EMILIN3: variants seen among roughly 807,000 people sequenced by gnomAD.
The protein encoded by EMILIN3 is elastin microfibril interfacer 3, also known as EMILIN-3.
EMILIN3 carries 38 observed loss-of-function variants against 42.8 expected under a neutral mutation model. The ratio of observed to expected loss-of-function variants is 0.89; its 90% confidence interval spans 0.69 to 1.16. EMILIN3 has a LOEUF of 1.16. EMILIN3 is among the 50% of genes most tolerant of loss of function. The probability of loss-of-function intolerance (pLI) is 0.00; values close to 1 mark genes in which losing one functional copy is unlikely to be tolerated. For missense variants in EMILIN3, 924 were observed against 999.5 expected, an observed-to-expected ratio of 0.92 and a Z score of 1.02; for synonymous variants, 430 against 440.5, an observed-to-expected ratio of 0.98 and a Z score of 0.30.
At position 41,362,314 on chromosome 20, in the gene EMILIN3, C is replaced by T. The variant is rs147652381; in HGVS notation, c.1255G>A (p.Glu419Lys). 5.6e-6 allele frequency: 9 copies of T among 1,612,948 alleles called. No homozygotes were observed. In the Middle Eastern group the frequency reaches 6.6e-4, roughly 118 times the overall value. ...QRGPGAPAGD[E>K]LTRLSAAMLE... ...ATGGCAGCAGAGAGCCTCGTAAGCTCATCCCCGGCCGGGGCACCGGGGCCC... is the reference window on the plus strand; with the variant it reads ...ATGGCAGCAGAGAGCCTCGTAAGCTTATCCCCGGCCGGGGCACCGGGGCCC... Residue 419 changes from glutamate to lysine, a missense_variant, in exon 4 of 4, where the codon GAG (glutamate) becomes AAG (lysine). Coordinates refer to ENST00000332312, the MANE Select transcript of EMILIN3 (RefSeq NM_052846.2).
At chr20:41,363,565 A>G in intron 3 of EMILIN3, 73 bp downstream of exon 3, 2 of 1,431,912 alleles carry the variant, frequency 1.4e-6, no homozygotes, top group East Asian at 2.3e-5. Flanking sequence ...GCCTGGGATC[A>G]GTCCCCTCCC....
rs1033974612 is a variant in EMILIN3 at position 41,360,347 on chromosome 20, G to A, written c.*921C>T. The stretch of plus-strand genomic sequence containing the variant: ...CTGGCCTCATTCAGGCCACTTTGTA[G>A]AGAAATGCCCTGACCTCGCAGGAAG... On this transcript the variant is annotated 3_prime_UTR_variant, in exon 4 of 4. Coordinates refer to ENST00000332312, the MANE Select transcript of EMILIN3 (RefSeq NM_052846.2). 4 of 152,386 alleles carry A rather than the reference G, an allele frequency of 2.6e-5. No individual in the cohort carries two copies. Among genetic ancestry groups the A allele is most frequent in the Admixed American group, 2.6e-4 (4 of 15,296 alleles). The allele number at this position is 152,386 out of a possible 1,614,324, so 9.4% of individuals were successfully genotyped here.
Position 41,361,936 on chromosome 20 carries a change from C to T in EMILIN3, c.1633G>A (p.Glu545Lys), listed in dbSNP as rs144193156. 1.2e-5 allele frequency: 20 copies of T among 1,612,630 alleles called. No homozygotes were observed. Among genetic ancestry groups the T allele is most frequent in the African/African-American group, 4.0e-5 (3 of 74,940 alleles). The part of the protein sequence containing the change: ...AEVKAWQSRS[E>K]ALLRQVASHA... ...CTGGCCACCTGGCGTAGGAGGGCCT[C>T]GCTCCGGCTCTGCCAGGCCTTCACC... Residue 545 changes from glutamate (E) to lysine (K), a missense_variant, in exon 4 of 4, where the codon GAG (glutamate) becomes AAG (lysine). By Grantham distance (56) the Glu-to-Lys change is moderately conservative. Transcript: ENST00000332312.
In EMILIN3 at chr20:41,366,455, C is replaced by A. The variant is rs1333317838; in HGVS notation, c.167+13G>T. On this transcript the variant is annotated intron_variant, in intron 1 of 3. Transcript: ENST00000332312. The surrounding 1 kb of genome is among the most constrained non-coding windows in gnomAD (Gnocchi z 4.2). ...TCCCTCCCTCTTCCCGCCCGCCGCCCGCCCGCGCTTACTTGTGCGGCCCCG... is the reference window on the plus strand; with the variant it reads ...TCCCTCCCTCTTCCCGCCCGCCGCCAGCCCGCGCTTACTTGTGCGGCCCCG... 2.7e-6 allele frequency: 3 copies of A among 1,122,628 alleles called. No homozygotes were observed. The highest frequency in any genetic ancestry group is 9.2e-5 in the East Asian group (2 of 21,666). 69.5% of individuals were successfully genotyped at this position (1,122,628 alleles called of 1,614,324 possible). A position where few individuals can be genotyped will look rare whatever the true frequency, so the allele number is the denominator to read the frequency against.
At position 41,361,482 on chromosome 20, in the gene EMILIN3, A is replaced by C. The variant is rs1029920616; in HGVS notation, c.2087T>G (p.Val696Gly). The stretch of plus-strand genomic sequence containing the variant: ...GCCCAGCCTCCTGCACGCACCCTCC[A>C]CTTGTGCCACCCGCTGGTCAAAGTG... ...VGHFDQRVAQVEGACRRLGLL... is the reference protein window; with the variant it reads ...VGHFDQRVAQGEGACRRLGLL... The change falls in exon 4 of 4, where the codon GTG becomes GGG. Residue 696 changes from valine (V) to glycine (G), a missense_variant. Physicochemically the swap from Val to Gly is moderately radical, Grantham distance 109. Transcript: ENST00000332312. 2.5e-6 allele frequency: 4 copies of C among 1,608,722 alleles called. No individual in the cohort carries two copies. The highest frequency in any genetic ancestry group is 3.4e-6 in the Non-Finnish European group (4 of 1,176,648).
chr20:41,365,213 G>T (rs897439433), intron 1 of EMILIN3, 56 bp from the exon 2 acceptor site: 6 of 1,598,340 alleles, frequency 3.8e-6, no homozygotes, highest in African/African-American at 1.3e-5. Flanking sequence ...CCACAGAGGC[G>T]CCTACCCTCC....
Position 41,366,473 on chromosome 20 carries a change from C to G in EMILIN3, c.162G>C (p.Pro54=), listed in dbSNP as rs1267907343. 9 of 1,136,054 alleles carry G rather than the reference C, an allele frequency of 7.9e-6. No individual in the cohort carries two copies. The highest frequency in any genetic ancestry group is 9.7e-6 in the Non-Finnish European group (9 of 927,310). 70.4% of individuals were successfully genotyped at this position (1,136,054 alleles called of 1,614,324 possible). ...TGWRPRLRPG[P]HKALCAYVVH... ...CGCCGCCCGCCCGCGCTTACTTGTG[C>G]GGCCCCGGGCGCAGCCGCGGGCGCC... is the stretch of plus-strand genomic sequence containing the variant. Residue 54 remains proline (P), a synonymous_variant, in exon 1 of 4, where the codon CCG becomes CCC. Coordinates refer to ENST00000332312, the MANE Select transcript of EMILIN3 (RefSeq NM_052846.2). This position sits in a 1 kb window ranked among gnomAD's most constrained non-coding sequence, Gnocchi z 4.2.
chr20:41,360,742 CGAAGAGAAGCCGAGGGGACAAG>C lies in EMILIN3; in HGVS notation c.*504_*525del, dbSNP rs1321356663. The C allele has an allele frequency of 6.3e-6, 1 of 157,676 alleles. No individual in the cohort carries two copies. Among genetic ancestry groups the C allele is most frequent in the East Asian group, 1.9e-4 (1 of 5,366 alleles). 9.8% of individuals were successfully genotyped at this position (157,676 alleles called of 1,614,324 possible). A position where few individuals can be genotyped will look rare whatever the true frequency, so the allele number is the denominator to read the frequency against. ...TGCACAAACCTAGTCCTGATGGCTG[CGAAGAGAAGCCGAGGGGACAAG>C]GAACAGAAGCCACCAAGGGCTGTGG... On this transcript the variant is annotated 3_prime_UTR_variant, in exon 4 of 4. Coordinates refer to ENST00000332312, the MANE Select transcript of EMILIN3 (RefSeq NM_052846.2).
chr20:41,361,254 C>G lies in EMILIN3; in HGVS notation c.*14G>C. ...AGTTGGTGGGATCTAGGGGTTGGGT[C>G]CTGGCCAGCCTGTCTAGTTGGCTTG... On this transcript the variant is annotated 3_prime_UTR_variant, in exon 4 of 4. Coordinates refer to ENST00000332312, the MANE Select transcript of EMILIN3 (RefSeq NM_052846.2). 6 of 1,566,300 alleles carry G rather than the reference C, an allele frequency of 3.8e-6. No individual in the cohort carries two copies. The highest frequency in any genetic ancestry group is 5.2e-6 in the Non-Finnish European group (6 of 1,149,380).
In EMILIN3 at chr20:41,366,671, C is replaced by G. The variant is rs2046396276; in HGVS notation, c.-37G>C. 2 of 990,030 alleles carry G rather than the reference C, an allele frequency of 2.0e-6. No homozygotes were observed. The highest frequency in any genetic ancestry group is 2.4e-6 in the Non-Finnish European group (2 of 834,024). The allele number at this position is 990,030 out of a possible 1,614,324, so 61.3% of individuals were successfully genotyped here. On this transcript the variant is annotated 5_prime_UTR_variant, in exon 1 of 4. Coordinates refer to ENST00000332312, the MANE Select transcript of EMILIN3 (RefSeq NM_052846.2). This position sits in a 1 kb window ranked among gnomAD's most constrained non-coding sequence, Gnocchi z 4.2. Reference sequence around the variant, plus strand: ...CGCCTCTGCCCGGCCCCGCGCGGTGCCCCCCGCCGGGTGTCCGCCTGCAGC... The same window carrying G: ...CGCCTCTGCCCGGCCCCGCGCGGTGGCCCCCGCCGGGTGTCCGCCTGCAGC...
chr20:41,362,446 C>T lies in EMILIN3; in HGVS notation c.1123G>A (p.Gly375Ser), dbSNP rs761323139. 6.2e-7 allele frequency: 1 copy of T among 1,600,268 alleles called. No homozygotes were observed. The highest frequency in any genetic ancestry group is 8.5e-7 in the Non-Finnish European group (1 of 1,179,802). ...ELSQLGSQLQ[G>S]LSVSGRGSCC... ...CTGCCCCTGCCAGACACGCTCAGGC[C>T]CTGCAGCTGGCTGCCCAGCTGTGAC... is the stretch of plus-strand genomic sequence containing the variant. The change falls in exon 4 of 4, where the codon GGC becomes AGC. Residue 375 changes from glycine (G) to serine (S), a missense_variant. Gly to Ser is a moderately conservative substitution (Grantham distance 56, BLOSUM62 0). Transcript: ENST00000332312.
Position 41,365,158 on chromosome 20 carries a change from C to G in EMILIN3, c.168-1G>C. 1.2e-6 allele frequency: 2 copies of G among 1,613,512 alleles called. No individual in the cohort carries two copies. Among genetic ancestry groups the G allele is most frequent in the Non-Finnish European group, 1.7e-6 (2 of 1,179,706 alleles). On this transcript the variant is annotated splice_acceptor_variant, in intron 1 of 3. Coordinates refer to ENST00000332312, the MANE Select transcript of EMILIN3 (RefSeq NM_052846.2). LOFTEE classifies it high-confidence loss of function. Reference sequence around the variant, plus strand: ...GTGCACCACATAGGCACAGAGGGCCCTACAGGAGAAAATGGCACCCCTGGA... The same window carrying G: ...GTGCACCACATAGGCACAGAGGGCCGTACAGGAGAAAATGGCACCCCTGGA...
In EMILIN3 at chr20:41,366,520, A is replaced by T. The variant is rs1374061204; in HGVS notation, c.115T>A (p.Tyr39Asn). 2 of 1,159,628 alleles carry T rather than the reference A, an allele frequency of 1.7e-6. No individual in the cohort carries two copies. The highest frequency in any genetic ancestry group is 2.1e-6 in the Non-Finnish European group (2 of 943,432). 71.8% of individuals were successfully genotyped at this position (1,159,628 alleles called of 1,614,324 possible). A position where few individuals can be genotyped will look rare whatever the true frequency, so the allele number is the denominator to read the frequency against. Residue 39 changes from tyrosine to asparagine, a missense_variant, in exon 1 of 4, where the codon TAC (tyrosine) becomes AAC (asparagine). By Grantham distance (143) the Tyr-to-Asn change is moderately radical. Coordinates refer to ENST00000332312, the MANE Select transcript of EMILIN3 (RefSeq NM_052846.2). The surrounding 1 kb of genome is among the most constrained non-coding windows in gnomAD (Gnocchi z 4.2). ...CGCCATCCCGTCGTGTAGAGACTGT[A>T]GCGGGAGGCACCGGGCGGCGCAGGC... ...ARPAPPGASR[Y>N]SLYTTGWRPR...
rs555195340 is a variant in EMILIN3 at position 41,361,666 on chromosome 20, C to A, written c.1903G>T (p.Glu635Ter). Residue 635 changes from glutamate (E) to a stop codon, truncating the protein, a stop_gained, in exon 4 of 4, where the codon GAG becomes TAG. Coordinates refer to ENST00000332312, the MANE Select transcript of EMILIN3 (RefSeq NM_052846.2). LOFTEE classifies it high-confidence loss of function. ...CTGGAGCCTTGGCTGCTGACCTGCT[C>A]CTGGATGGCCTGGACTTCGGCTTCC... ...KVEAEVQAIQ[E>*]QVSSQGSRLQ... is the part of the protein sequence containing the mutation. 6.2e-6 allele frequency: 10 copies of A among 1,605,744 alleles called. No homozygotes were observed. The highest frequency in any genetic ancestry group is 1.7e-4 in the Middle Eastern group (1 of 6,030).
intron 2 of EMILIN3, among the ~76,000 whole-genome samples, chr20:41,364,447 G>A (rs972861868): frequency 5.9e-5 from 9 of 152,160 alleles, no homozygotes; most frequent in Non-Finnish European, 1.2e-4. Flanking sequence ...GCAGGCTCGC[G>A]AGGGTCCATG....
rs146403378 is a variant in EMILIN3 at position 41,362,164 on chromosome 20, T to C, written c.1405A>G (p.Met469Val). The stretch of plus-strand genomic sequence containing the variant: ...AGGCTCTGCACGCGCTCTTCCAGCA[T>C]GGTCCCAAAGCCGCCCACTCCCCAC... ...GGWGVGGFGTMLEERVQSLEE... is the reference protein window; with the variant it reads ...GGWGVGGFGTVLEERVQSLEE... The change falls in exon 4 of 4, where the codon ATG becomes GTG. Residue 469 changes from methionine to valine, a missense_variant. By Grantham distance (21) the Met-to-Val change is conservative. Transcript: ENST00000332312. 1.0e-4 allele frequency: 165 copies of C among 1,612,330 alleles called. No individual in the cohort carries two copies. The highest frequency in any genetic ancestry group is 1.3e-4 in the Non-Finnish European group (151 of 1,179,302).
chr20:41,366,749 G>C lies in EMILIN3; in HGVS notation c.-115C>G, dbSNP rs1432173779. 1.6e-5 allele frequency: 11 copies of C among 686,576 alleles called. No homozygotes were observed. Among genetic ancestry groups the C allele is most frequent in the Non-Finnish European group, 2.0e-5 (11 of 557,908 alleles). The allele number at this position is 686,576 out of a possible 1,614,324, so 42.5% of individuals were successfully genotyped here. A position where few individuals can be genotyped will look rare whatever the true frequency, so the allele number is the denominator to read the frequency against. ...CCGGGTCCCGCCCCGAGGGTCCCGG[G>C]GTCCCCTTCGGCCCCCGAGCTCGCT... On this transcript the variant is annotated 5_prime_UTR_variant, in exon 1 of 4. Transcript: ENST00000332312. The surrounding 1 kb of genome is among the most constrained non-coding windows in gnomAD (Gnocchi z 4.2).
chr20:41,362,960 C>T lies in EMILIN3; in HGVS notation c.609G>A (p.Leu203=). The T allele has an allele frequency of 6.2e-7, 1 of 1,613,442 alleles. No homozygotes were observed. The highest frequency in any genetic ancestry group is 1.1e-5 in the South Asian group (1 of 91,080). ...TGTTGGGATCCTCGTGGCTAGCCACCAGGCCACTGAGGGTACCATATGTTT... is the reference window on the plus strand; with the variant it reads ...TGTTGGGATCCTCGTGGCTAGCCACTAGGCCACTGAGGGTACCATATGTTT... The part of the protein sequence containing the change: ...LAQTYGTLSG[L]VASHEDPNRM... Residue 203 remains leucine, a synonymous_variant, in exon 4 of 4, where the codon CTG becomes CTA. Transcript: ENST00000332312.
At position 41,366,440 on chromosome 20, in the gene EMILIN3, T is replaced by C. The variant is rs1428961871; in HGVS notation, c.167+28A>G. On this transcript the variant is annotated intron_variant, in intron 1 of 3. Transcript: ENST00000332312. This position sits in a 1 kb window ranked among gnomAD's most constrained non-coding sequence, Gnocchi z 4.2. Reference sequence around the variant, plus strand: ...ACGCGCGCGGGCCCATCCCTCCCTCTTCCCGCCCGCCGCCCGCCCGCGCTT... The same window carrying C: ...ACGCGCGCGGGCCCATCCCTCCCTCCTCCCGCCCGCCGCCCGCCCGCGCTT... 5.5e-6 allele frequency: 6 copies of C among 1,088,510 alleles called. No homozygotes were observed. The highest frequency in any genetic ancestry group is 6.7e-6 in the Non-Finnish European group (6 of 897,028). 67.4% of individuals were successfully genotyped at this position (1,088,510 alleles called of 1,614,324 possible).
Sources: gnomAD v4.1 joint callset for allele counts (sites outside exome capture counted in the v4.1 genomes callset) on GRCh38, gnomAD v4.1.1 for gene constraint, Gnocchi (gnomAD v3.1) non-coding constraint, MANE v1.5 for transcripts, NCBI Gene and HGNC (gene_info 2026-07-23, HGNC 2026-07-21) for gene names.